Variants in NEURL1 observed in about 807,000 individuals in gnomAD.
The protein encoded by NEURL1 is neuralized E3 ubiquitin protein ligase 1.
NEURL1 carries 26 observed loss-of-function variants against 41.2 expected under a neutral mutation model. The observed-to-expected ratio is 0.63, with a 90% CI of 0.46 to 0.87. The LOEUF is 0.87. Among genes scored for constraint, NEURL1 ranks in the 40% least tolerant of loss-of-function variants. NEURL1 has a pLI of 0.00. For synonymous variants in NEURL1, 400 were observed against 402.3 expected, an observed-to-expected ratio of 0.99 and a Z score of 0.07; for missense variants, 761 against 871.1, an observed-to-expected ratio of 0.87 and a Z score of 1.59.
At chr10:103,590,064 GCT>G in intron 5 of NEURL1, 68 bp from the exon 6 acceptor site, 1 of 1,450,324 alleles carries the variant, frequency 6.9e-7, no homozygotes, top group Non-Finnish European at 9.6e-7. Flanking sequence ...AGGCCGGGGA[GCT>G]CTCTTCCCGT....
In NEURL1 at chr10:103,584,679, G is replaced by A. The variant is rs759958911; in HGVS notation, c.793G>A (p.Ala265Thr). 2.1e-6 allele frequency: 3 copies of A among 1,429,714 alleles called. No homozygotes were observed. Among genetic ancestry groups the A allele is most frequent in the Non-Finnish European group, 2.7e-6 (3 of 1,097,776 alleles). 88.6% of individuals were successfully genotyped at this position (1,429,714 alleles called of 1,614,324 possible). A position where few individuals can be genotyped will look rare whatever the true frequency, so the allele number is the denominator to read the frequency against. ...LNVPGADGDE[A>T]APAAGCPIPQ... Reference sequence around the variant, plus strand: ...CGTGCCGGGCGCGGACGGCGACGAGGCCGCGCCGGCCGCCGGCTGCCCCAT... The same window carrying A: ...CGTGCCGGGCGCGGACGGCGACGAGACCGCGCCGGCCGCCGGCTGCCCCAT... The change falls in exon 4 of 6, where the codon GCC (alanine) becomes ACC (threonine). Residue 265 changes from alanine (A) to threonine (T), a missense_variant. Transcript: ENST00000369780.
At chr10:103,570,320 C>T (rs896485924) in intron 1 of NEURL1, among the ~76,000 whole-genome samples, 1 of 152,076 alleles carries the variant, frequency 6.6e-6, no homozygotes, top group Non-Finnish European at 1.5e-5. Context: ...GAGTAGAGGC[C>T]GCCCATTGTG....
At chr10:103,553,219 G>T (rs1230532036) in intron 1 of NEURL1, among the ~76,000 whole-genome samples, 1 of 152,220 alleles carries the variant, frequency 6.6e-6, no homozygotes, top group Non-Finnish European at 1.5e-5. Context: ...TCTTAGGGTT[G>T]TCGTGAGGAT....
intron 1 of NEURL1, among the ~76,000 whole-genome samples, chr10:103,535,937 G>T (rs1471344681): frequency 1.3e-5 from 2 of 152,198 alleles, no homozygotes; most frequent in African/African-American, 4.8e-5. Flanking sequence ...GTAGCCATGT[G>T]GGCACAGGGG....
chr10:103,527,288 CTTTTTTTTT>C (rs1272771211), intron 1 of NEURL1, among the ~76,000 whole-genome samples: 1 of 130,468 alleles, frequency 7.7e-6, no homozygotes, highest in Non-Finnish European at 1.6e-5. Context: ...CACTTTTTTT[CTTTTTTTTT>C]TGGTTTTTTT....
intron 3 of NEURL1, among the ~76,000 whole-genome samples, chr10:103,579,803 G>A (rs1436302437): frequency 1.3e-5 from 2 of 152,078 alleles, no homozygotes; most frequent in African/African-American, 4.8e-5. Context: ...TTAGCCAGGC[G>A]TGGTGGTGTG....
rs377250448 is a variant in NEURL1 at position 103,571,677 on chromosome 10, C to T, written c.504C>T (p.Ile168=). 122 of 1,614,108 alleles carry T rather than the reference C, an allele frequency of 7.6e-5. No individual in the cohort carries two copies. The highest frequency in any genetic ancestry group is 9.7e-5 in the Non-Finnish European group (114 of 1,180,030). Residue 168 remains isoleucine, a synonymous_variant, in exon 3 of 6, where the codon ATC becomes ATT. Transcript: ENST00000369780. ...AGTTTGCCAATGAGGGCAACATCATCGCATTCTGGGTGGACAAGAAGGGCC... is the reference window on the plus strand; with the variant it reads ...AGTTTGCCAATGAGGGCAACATCATTGCATTCTGGGTGGACAAGAAGGGCC... ...PEEFANEGNI[I]AFWVDKKGRV... is the part of the protein sequence containing the mutation.
At chr10:103,510,496 G>T (rs2034044501) in intron 1 of NEURL1, among the ~76,000 whole-genome samples, 1 of 152,196 alleles carries the variant, frequency 6.6e-6, no homozygotes, top group African/African-American at 2.4e-5. Flanking sequence ...GGCTTGGCAT[G>T]TGGCTCTGTG....
At chr10:103,494,793 G>A (rs2033644442) in intron 1 of NEURL1, 1 of 286,612 alleles carries the variant, frequency 3.5e-6, no homozygotes, top group African/African-American at 3.4e-5. Flanking sequence ...AGTGAGGAGG[G>A]AAGCTTGGGT....
intron 1 of NEURL1, chr10:103,555,413 G>A (rs778204404): frequency 2.9e-6 from 4 of 1,358,970 alleles, no homozygotes; most frequent in Non-Finnish European, 2.9e-6. Context: ...CACTCTCCAC[G>A]GTAAGGCCCC....
chr10:103,500,478 C>G (rs1462941493), intron 1 of NEURL1, among the ~76,000 whole-genome samples: 2 of 152,208 alleles, frequency 1.3e-5, no homozygotes, highest in African/African-American at 4.8e-5. Context: ...TTATCCTGCC[C>G]CTGTAGCATT....
intron 1 of NEURL1, among the ~76,000 whole-genome samples, chr10:103,501,427 G>A (rs2033820465): frequency 2.0e-5 from 3 of 151,912 alleles, no homozygotes; most frequent in Admixed American, 2.0e-4. Context: ...GTTCCCATGG[G>A]CAAGTCTGAA....
At chr10:103,560,805 A>G (rs1469673978) in intron 1 of NEURL1, among the ~76,000 whole-genome samples, 2 of 152,224 alleles carry the variant, frequency 1.3e-5, no homozygotes, top group Non-Finnish European at 2.9e-5. Flanking sequence ...CTTACCAGCT[A>G]TGTGACCTTG....
intron 1 of NEURL1, among the ~76,000 whole-genome samples, chr10:103,560,000 T>G (rs1564821862): frequency 6.6e-6 from 1 of 151,318 alleles, no homozygotes; most frequent in Non-Finnish European, 1.5e-5. Context: ...ATATACACAA[T>G]GCACGCACAC....
intron 1 of NEURL1, among the ~76,000 whole-genome samples, chr10:103,555,796 C>T (rs955117158): frequency 1.3e-5 from 2 of 152,218 alleles, no homozygotes; most frequent in African/African-American, 4.8e-5. Context: ...CCCACCTCTC[C>T]CGGGACGGAG....
intron 3 of NEURL1, among the ~76,000 whole-genome samples, chr10:103,575,322 C>T (rs986062958): frequency 6.6e-6 from 1 of 152,150 alleles, no homozygotes; most frequent in African/African-American, 2.4e-5. Flanking sequence ...TGAAGAAAGT[C>T]GCTGTCCATC....
chr10:103,535,075 G>C (rs1312038649), intron 1 of NEURL1, among the ~76,000 whole-genome samples: 1 of 152,160 alleles, frequency 6.6e-6, no homozygotes, highest in Non-Finnish European at 1.5e-5. Flanking sequence ...GATCCCAGGG[G>C]ATGAGGCATT....
chr10:103,499,009 T>C (rs1461685283), intron 1 of NEURL1, among the ~76,000 whole-genome samples: 5 of 152,256 alleles, frequency 3.3e-5, no homozygotes, highest in Non-Finnish European at 7.3e-5. Flanking sequence ...TGTGTCTAAG[T>C]CTTTGTTTGA....
Position 103,591,155 on chromosome 10 carries a change from CGCTGGAT to C in NEURL1, c.*786_*792del, listed in dbSNP as rs2036036541. The C allele has an allele frequency of 6.5e-6, 1 of 152,890 alleles. No individual in the cohort carries two copies. The highest frequency in any genetic ancestry group is 2.1e-4 in the South Asian group (1 of 4,836). 9.5% of individuals were successfully genotyped at this position (152,890 alleles called of 1,614,324 possible). On this transcript the variant is annotated 3_prime_UTR_variant, in exon 6 of 6. Transcript: ENST00000369780. ...TGTAGCCTTCCTGCCCCAATCATCT[CGCTGGAT>C]GCCATTGCCCAGGGGTAGCCCTTCG...
Sources: allele counts gnomAD v4.1 joint callset (sites outside exome capture counted in the v4.1 genomes callset), GRCh38; gene constraint gnomAD v4.1.1; transcripts MANE v1.5; gene names NCBI Gene and HGNC (gene_info 2026-07-23, HGNC 2026-07-21).